The following GABBR1 variants were observed in gnomAD, a reference collection of about 807,000 sequenced individuals.
GABBR1 encodes GABA-B receptor, R1 subunit.
Under a neutral mutation model 117.7 loss-of-function variants are expected in GABBR1, and 35 were observed. The observed-to-expected ratio is 0.30, with a 90% CI of 0.23 to 0.39. The LOEUF (loss-of-function observed/expected upper bound fraction) is 0.39. GABBR1 is among the 10% of genes least tolerant of loss of function. The probability of loss-of-function intolerance (pLI) is 1.00; values close to 1 mark genes in which losing one functional copy is unlikely to be tolerated. For missense variants in GABBR1, 709 were observed against 1,241.8 expected (o/e 0.57, Z 6.45); for synonymous variants, 442 against 486.6 (o/e 0.91, Z 1.21).
rs1284148427 is a variant in GABBR1 at position 29,613,195 on chromosome 6, C to T, written c.1566+48G>A. 6.3e-7 allele frequency: 1 copy of T among 1,594,016 alleles called. No individual in the cohort carries two copies. Among genetic ancestry groups the T allele is most frequent in the East Asian group, 2.2e-5 (1 of 44,612 alleles). On this transcript the variant is annotated intron_variant, in intron 12 of 22. Transcript: ENST00000377034. This position sits in a 1 kb window ranked among gnomAD's most constrained non-coding sequence, Gnocchi z 4.1. The stretch of plus-strand genomic sequence containing the variant: ...TGTAGAAGGTGCCTCTTGGGAGTCT[C>T]TCTCAAGATTGGGAAGACAGGGGAG...
At chr6:29,615,486 G>A (rs1340670042) in intron 11 of GABBR1, among the ~76,000 whole-genome samples, 2 of 151,336 alleles carry the variant, frequency 1.3e-5, no homozygotes, top group African/African-American at 2.4e-5. Flanking sequence ...GTGGGCTCCC[G>A]TAATCCCAGC....
rs760502683 is a variant in GABBR1 at position 29,613,345 on chromosome 6, G to A, written c.1464C>T (p.Gly488=). 17 of 1,612,986 alleles carry A rather than the reference G, an allele frequency of 1.1e-5. No homozygotes were observed. The African/African-American group carries it at 1.2e-4, about 11-fold the overall frequency. ...CCTCCAGGCGCACACCAGAACGGCC[G>A]CCTCCTCCAGATGTCTTGTTCAGGG... ...ALALNKTSGG[G]GRSGVRLEDF... The change falls in exon 12 of 23, where the codon GGC becomes GGT. Residue 488 remains glycine (G), a synonymous_variant. Transcript: ENST00000377034. This position sits in a 1 kb window ranked among gnomAD's most constrained non-coding sequence, Gnocchi z 4.1.
rs56034620 is a variant in GABBR1, at chr6:29,632,347, G to T, written c.39C>A (p.Arg13=). ...TCTGCGCCCCGCCCGCGCCCGGGGG[G>T]CGGAGGAAGAGTGGCGCCAGTAGCA... ...LLLLLAPLFL[R]PPGAGGAQTP... Residue 13 remains arginine, a synonymous_variant, in exon 2 of 23, where the codon CGC becomes CGA. Transcript: ENST00000377034. This position sits in a 1 kb window ranked among gnomAD's most constrained non-coding sequence, Gnocchi z 5.8. 2,763 of 1,362,918 alleles carry T rather than the reference G, an allele frequency of 2.0e-3. 98 individuals carry two copies. In the South Asian group the frequency reaches 0.044, roughly 22 times the overall value. The allele number at this position is 1,362,918 out of a possible 1,614,324, so 84.4% of individuals were successfully genotyped here. A position where few individuals can be genotyped will look rare whatever the true frequency, so the allele number is the denominator to read the frequency against.
At chr6:29,619,525 T>TC (rs1763531639) in intron 11 of GABBR1, among the ~76,000 whole-genome samples, 1 of 152,140 alleles carries the variant, frequency 6.6e-6, no homozygotes, top group South Asian at 2.1e-4. Context: ...TCTCTCTCTC[T>TC]CTCTTTTTGT....
intron 5 of GABBR1, among the ~76,000 whole-genome samples, chr6:29,628,736 G>A (rs565169059): frequency 1.3e-5 from 2 of 152,216 alleles, no homozygotes; most frequent in South Asian, 2.1e-4. Context: ...TTCCAGCGAA[G>A]GTCGCAAGGA....
In GABBR1 at chr6:29,606,817, G is replaced by GA. The variant is rs934888354; in HGVS notation, c.2217+79dup. On this transcript the variant is annotated intron_variant, in intron 18 of 22. Coordinates refer to ENST00000377034, the MANE Select transcript of GABBR1 (RefSeq NM_001470.4). This position sits in a 1 kb window ranked among gnomAD's most constrained non-coding sequence, Gnocchi z 4.5. Reference sequence around the variant, plus strand: ...CTCTCCAAGTAGCTTCATCCCTCAAGACACACACAGCCCCAGGGCCCTGAT... The same window carrying GA: ...CTCTCCAAGTAGCTTCATCCCTCAAGAACACACACAGCCCCAGGGCCCTGAT... The GA allele has an allele frequency of 4.3e-6, 5 of 1,150,238 alleles. No homozygotes were observed. In the African/African-American group the frequency reaches 7.8e-5, roughly 18 times the overall value. 71.3% of individuals were successfully genotyped at this position (1,150,238 alleles called of 1,614,324 possible).
intron 11 of GABBR1, among the ~76,000 whole-genome samples, chr6:29,615,003 A>G (rs1008521978): frequency 6.7e-6 from 1 of 149,352 alleles, no homozygotes; most frequent in East Asian, 2.0e-4. Flanking sequence ...AAAAAAAAAA[A>G]GGCCAGGCAC....
rs769784289 is a variant in GABBR1 at position 29,613,213 on chromosome 6, CA to C, written c.1566+29del. 27 of 1,607,016 alleles carry C rather than the reference CA, an allele frequency of 1.7e-5. No homozygotes were observed. In the African/African-American group the frequency reaches 3.6e-4, roughly 21 times the overall value. ...GGAGTCTCTCTCAAGATTGGGAAGACAGGGGAGTATGAAGGAAGTTTTAACT... is the reference window on the plus strand; with the variant it reads ...GGAGTCTCTCTCAAGATTGGGAAGACGGGGAGTATGAAGGAAGTTTTAACT... On this transcript the variant is annotated intron_variant, in intron 12 of 22. Transcript: ENST00000377034. This position sits in a 1 kb window ranked among gnomAD's most constrained non-coding sequence, Gnocchi z 4.1.
rs1379219884 is a variant in GABBR1, at chr6:29,611,823, C to A, written c.1630+728G>T. Among the ~76,000 whole-genome samples, 1 of 151,746 alleles carries A rather than the reference C, an allele frequency of 6.6e-6. No homozygotes were observed. The highest frequency in any genetic ancestry group is 2.4e-5 in the African/African-American group (1 of 41,254). ...AAGCTATACACATTGAAGCTTTACA[C>A]AGCAAGGAAATTTGGCAGATTCCCT... On this transcript the variant is annotated intron_variant, in intron 13 of 22. Transcript: ENST00000377034. The surrounding 1 kb of genome is among the most constrained non-coding windows in gnomAD (Gnocchi z 4.6).
rs755486774 is a variant in GABBR1, at chr6:29,604,485, C to T, written c.2712+9G>A. 6.2e-7 allele frequency: 1 copy of T among 1,613,314 alleles called. No individual in the cohort carries two copies. Among genetic ancestry groups the T allele is most frequent in the Non-Finnish European group, 8.5e-7 (1 of 1,180,022 alleles). ...CTCCAACACCCTACCCTGACACCCA[C>T]CCCCGCACCTCAGCAATGATCTTTT... On this transcript the variant is annotated intron_variant, in intron 22 of 22. Transcript: ENST00000377034. The surrounding 1 kb of genome is among the most constrained non-coding windows in gnomAD (Gnocchi z 5.3).
Position 29,609,430 on chromosome 6 carries a change from G to A in GABBR1, c.1709-51C>T. On this transcript the variant is annotated intron_variant, in intron 14 of 22. Transcript: ENST00000377034. The surrounding 1 kb of genome is among the most constrained non-coding windows in gnomAD (Gnocchi z 4.3). ...GGAAGGGAAAAGAGAAGGGAAGGAG[G>A]ACAAAGGAATGAAGACGGGATAGGA... 2 of 1,501,910 alleles carry A rather than the reference G, an allele frequency of 1.3e-6. No individual in the cohort carries two copies. Among genetic ancestry groups the A allele is most frequent in the Non-Finnish European group, 1.8e-6 (2 of 1,085,016 alleles). The allele number at this position is 1,501,910 out of a possible 1,614,324, so 93.0% of individuals were successfully genotyped here.
Position 29,631,519 on chromosome 6 carries a change from A to G in GABBR1, c.166T>C (p.Phe56Leu). The G allele has an allele frequency of 6.2e-7, 1 of 1,614,204 alleles. No individual in the cohort carries two copies. The highest frequency in any genetic ancestry group is 8.5e-7 in the Non-Finnish European group (1 of 1,180,044). The change falls in exon 3 of 23, where the codon TTC (phenylalanine) becomes CTC (leucine). Residue 56 changes from phenylalanine to leucine, a missense_variant. Around this residue, in one of 9 missense-constraint regions of GABBR1, gnomAD observed 101 missense variants for 132.3 expected, o/e 0.76. Transcript: ENST00000377034. The surrounding 1 kb of genome is among the most constrained non-coding windows in gnomAD (Gnocchi z 5.9). ...TCAATCTCATAGTCCACTGGCAGGA[A>G]GTTGATAGCCTTCACCTGGTCCCGA... ...LTRDQVKAINFLPVDYEIEYV... is the reference protein window; with the variant it reads ...LTRDQVKAINLLPVDYEIEYV...
Position 29,630,300 on chromosome 6 carries a change from G to A in GABBR1, c.475+158C>T, listed in dbSNP as rs1583024362. On this transcript the variant is annotated intron_variant, in intron 4 of 22. Transcript: ENST00000377034. This position sits in a 1 kb window ranked among gnomAD's most constrained non-coding sequence, Gnocchi z 4.9. ...CGGGGACTGCAAGAGGAAGTTTGAG[G>A]CAGGTGATGGAGGAAAAAGGGACTT... The A allele has an allele frequency of 1.3e-5, 8 of 617,756 alleles. No homozygotes were observed. The East Asian group carries it at 2.2e-4, about 17-fold the overall frequency. 38.3% of individuals were successfully genotyped at this position (617,756 alleles called of 1,614,324 possible).
rs1460440311 is a variant in GABBR1 at position 29,628,211 on chromosome 6, T to G, written c.497-565A>C. 8 of 931,970 alleles carry G rather than the reference T, an allele frequency of 8.6e-6. No individual in the cohort carries two copies. In the African/African-American group the frequency reaches 1.2e-4, roughly 14 times the overall value. The allele number at this position is 931,970 out of a possible 1,614,324, so 57.7% of individuals were successfully genotyped here. On this transcript the variant is annotated intron_variant, in intron 5 of 22. Coordinates refer to ENST00000377034, the MANE Select transcript of GABBR1 (RefSeq NM_001470.4). Reference sequence around the variant, plus strand: ...CGGGGAGGGGAGGGGGGATGCAACCTCGAGGAGGAAAGGAACGAAAGAGGA... The same window carrying G: ...CGGGGAGGGGAGGGGGGATGCAACCGCGAGGAGGAAAGGAACGAAAGAGGA...
At chr6:29,626,463 C>A (rs1184402871) in intron 6 of GABBR1, among the ~76,000 whole-genome samples, 3 of 152,018 alleles carry the variant, frequency 2.0e-5, no homozygotes, top group African/African-American at 7.3e-5. Context: ...TGTGTCACAT[C>A]CTTCCCTGCA....
Position 29,602,659 on chromosome 6 carries a change from C to A in GABBR1, c.*884G>T. The A allele has an allele frequency of 3.8e-6, 1 of 263,136 alleles. No homozygotes were observed. The allele number at this position is 263,136 out of a possible 1,614,324, so 16.3% of individuals were successfully genotyped here. A position where few individuals can be genotyped will look rare whatever the true frequency, so the allele number is the denominator to read the frequency against. ...ACATATGGCTCTGTCAGAAGAATAC[C>A]ATGATTTAAGGGAAGAAAGTACACA... On this transcript the variant is annotated 3_prime_UTR_variant, in exon 23 of 23. Transcript: ENST00000377034.
chr6:29,628,438 G>C (rs1764602914), intron 5 of GABBR1, among the ~76,000 whole-genome samples: 1 of 152,084 alleles, frequency 6.6e-6, no homozygotes, highest in Non-Finnish European at 1.5e-5. Flanking sequence ...ATACAGTGAA[G>C]CACTGAGGAT....
chr6:29,618,608 G>A (rs1763418306), intron 11 of GABBR1, among the ~76,000 whole-genome samples: 1 of 152,064 alleles, frequency 6.6e-6, no homozygotes, highest in Admixed American at 6.6e-5. Flanking sequence ...TAGGTCTGAT[G>A]GGATCTCTAC....
chr6:29,629,285 G>C, intron 4 of GABBR1, 178 bp from the exon 5 acceptor site: 1 of 721,864 alleles, frequency 1.4e-6, no homozygotes, highest in Non-Finnish European at 2.5e-6. Flanking sequence ...GGGTAAGGGG[G>C]TCAGGACTTA....
Sources: gnomAD v4.1 joint callset for allele counts (sites outside exome capture counted in the v4.1 genomes callset) on GRCh38, gnomAD v4.1.1 for gene constraint, gnomAD v4.1.1 regional missense constraint, Gnocchi (gnomAD v3.1) non-coding constraint, MANE v1.5 for transcripts, NCBI Gene and HGNC (gene_info 2026-07-23, HGNC 2026-07-21) for gene names.